Variants in PCDHA1 observed in about 807,000 individuals in gnomAD.
The protein encoded by PCDHA1 is protocadherin alpha 1, also known as protocadherin alpha-1.
Under a neutral mutation model 61.3 loss-of-function variants are expected in PCDHA1, and 42 were observed. The ratio of observed to expected loss-of-function variants is 0.69; its 90% CI spans 0.54 to 0.89. The LOEUF (loss-of-function observed/expected upper bound fraction) is 0.89, where lower values mean the gene tolerates loss of function less well. Among genes scored for constraint, PCDHA1 ranks in the 40% least tolerant of loss-of-function variants. The probability of loss-of-function intolerance (pLI) is 0.00; values close to 1 mark genes in which losing one functional copy is unlikely to be tolerated. For synonymous variants in PCDHA1, 610 were observed against 553.8 expected, an observed-to-expected ratio of 1.10 and a Z score of -1.43; for missense variants, 1,256 against 1,235.3, an observed-to-expected ratio of 1.02 and a Z score of -0.25.
intron 1 of PCDHA1, chr5:140,801,369 G>C (rs782156109): frequency 1.2e-6 from 2 of 1,613,508 alleles, no homozygotes; most frequent in South Asian, 2.2e-5. Context: ...GGAGCTGGCG[G>C]AGCTGGTGCC....
intron 1 of PCDHA1, among the ~76,000 whole-genome samples, chr5:140,874,944 G>A (rs2055185348): frequency 6.6e-6 from 1 of 152,170 alleles, no homozygotes; most frequent in Non-Finnish European, 1.5e-5. Context: ...TGAAACAGCG[G>A]AATTGTAAGC....
chr5:140,985,228 C>G (rs1022229644), intron 3 of PCDHA1, among the ~76,000 whole-genome samples: 4 of 152,156 alleles, frequency 2.6e-5, no homozygotes, highest in Non-Finnish European at 4.4e-5. Context: ...TGAGCCACCG[C>G]GCCTGGCCTA....
chr5:140,876,378 T>A, intron 1 of PCDHA1: 1 of 1,613,948 alleles, frequency 6.2e-7, no homozygotes, highest in Non-Finnish European at 8.5e-7. Context: ...CAGGTGAAAT[T>A]AGAATTTATG....
intron 1 of PCDHA1, chr5:140,821,919 G>T: frequency 6.2e-7 from 1 of 1,614,198 alleles, no homozygotes; most frequent in East Asian, 2.2e-5. Flanking sequence ...GCCGCATCGC[G>T]CAGGACCTAG....
chr5:140,876,165 C>A, intron 1 of PCDHA1: 3 of 1,613,944 alleles, frequency 1.9e-6, no homozygotes, highest in Non-Finnish European at 2.5e-6. Flanking sequence ...TTCAAATAAC[C>A]GTCCTGGATG....
chr5:140,875,832 C>T, intron 1 of PCDHA1: 1 of 1,614,086 alleles, frequency 6.2e-7, no homozygotes, highest in Middle Eastern at 1.6e-4. Flanking sequence ...TCCATGTGGA[C>T]GTGGAGGTGA....
chr5:140,892,573 A>G (rs1299586046), intron 1 of PCDHA1, among the ~76,000 whole-genome samples: 1 of 152,210 alleles, frequency 6.6e-6, no homozygotes, highest in Non-Finnish European at 1.5e-5. Context: ...TGTCAAAAGT[A>G]TATCTCAGTA....
Position 140,912,120 on chromosome 5 carries a change from G to A in PCDHA1, c.2395-66829G>A, listed in dbSNP as rs371645551. On this transcript the variant is annotated intron_variant, in intron 1 of 3. Transcript: ENST00000504120. ...AGAAAGATGTAGGCTGGGAGGCTAA[G>A]TCAGTCTAATCTCTCCATGTTCTTC... Among the ~76,000 whole-genome samples the A allele has an allele frequency of 1.7e-4, 26 of 152,328 alleles. 3 individuals are homozygous for A. In the East Asian group the frequency reaches 1.9e-3, roughly 11 times the overall value.
intron 1 of PCDHA1, chr5:140,881,408 T>A (rs1397596000): frequency 1.1e-6 from 1 of 949,826 alleles, no homozygotes; most frequent in Non-Finnish European, 1.3e-6. Flanking sequence ...ATTAAATCAA[T>A]AGGATATTAG....
chr5:140,887,043 A>G (rs1459489169), intron 1 of PCDHA1, among the ~76,000 whole-genome samples: 1 of 151,986 alleles, frequency 6.6e-6, no homozygotes, highest in Admixed American at 6.6e-5. Context: ...TATTTTTTAT[A>G]GTGCATATGT....
chr5:140,811,794 T>C (rs1454286156), intron 1 of PCDHA1: 1 of 152,230 alleles, frequency 6.6e-6, no homozygotes, highest in African/African-American at 2.4e-5. Flanking sequence ...TGCATAAATG[T>C]CTTCTTTTGA....
chr5:140,941,185 CT>C (rs782102770), intron 1 of PCDHA1, among the ~76,000 whole-genome samples: 20 of 102,174 alleles, frequency 2.0e-4, no homozygotes, highest in Admixed American at 7.9e-4. Context: ...CATCCTGCTT[CT>C]TTTTTTTTCT....
rs2044015236 is a variant in PCDHA1, at chr5:140,856,467, C to T, written c.2394+67783C>T. On this transcript the variant is annotated intron_variant, in intron 1 of 3. Coordinates refer to ENST00000504120, the MANE Select transcript of PCDHA1 (RefSeq NM_018900.4). ...TTCTCCGTAACAGAACAAAAGCTCTCAATACCTGAATCCAGACTGCTTGAC... is the reference window on the plus strand; with the variant it reads ...TTCTCCGTAACAGAACAAAAGCTCTTAATACCTGAATCCAGACTGCTTGAC... 5 of 1,598,208 alleles carry T rather than the reference C, an allele frequency of 3.1e-6. 1 individual carries two copies. Among genetic ancestry groups the T allele is most frequent in the Non-Finnish European group, 4.3e-6 (5 of 1,167,910 alleles).
At chr5:140,994,004 C>T (rs1366489476) in intron 3 of PCDHA1, among the ~76,000 whole-genome samples, 3 of 152,186 alleles carry the variant, frequency 2.0e-5, no homozygotes, top group Non-Finnish European at 2.9e-5. Context: ...AGGCCAGGCT[C>T]TGTTCTAGGT....
chr5:140,840,708 C>T (rs1776833354), intron 1 of PCDHA1, among the ~76,000 whole-genome samples: 1 of 151,964 alleles, frequency 6.6e-6, no homozygotes, highest in African/African-American at 2.4e-5. Flanking sequence ...GGCAATTTGA[C>T]ATTTATTGAA....
At chr5:140,801,326 C>A (rs782180915) in intron 1 of PCDHA1, 1 of 1,613,294 alleles carries the variant, frequency 6.2e-7, no homozygotes, top group East Asian at 2.2e-5. Context: ...AGCATGGCAC[C>A]TTCGTGGGCC....
chr5:140,991,374 G>A (rs537981449), intron 3 of PCDHA1, among the ~76,000 whole-genome samples: 2 of 152,286 alleles, frequency 1.3e-5, no homozygotes, highest in South Asian at 4.1e-4. Context: ...TGAGTTCTAG[G>A]CCAACTGTAG....
rs1554117343 is a variant in PCDHA1, at chr5:140,786,328, A to G, written c.38A>G (p.Asp13Gly). 1 of 1,612,982 alleles carries G rather than the reference A, an allele frequency of 6.2e-7. No individual in the cohort carries two copies. ...AGGAGAGGGGGCCTGGGAGCCCGGG[A>G]TCTGCTTCTTTGGCTTCTGCTCCTC... ...FSRRGGLGAR[D>G]LLLWLLLLAA... is the part of the protein sequence containing the mutation. The change falls in exon 1 of 4, where the codon GAT becomes GGT. Residue 13 changes from aspartate (D) to glycine (G), a missense_variant. Physicochemically the swap from Asp to Gly is moderately conservative, Grantham distance 94 (BLOSUM62 -1). Transcript: ENST00000504120.
At chr5:140,818,319 T>G (rs2150100782) in intron 1 of PCDHA1, among the ~76,000 whole-genome samples, 2 of 152,234 alleles carry the variant, frequency 1.3e-5, no homozygotes, top group Admixed American at 1.3e-4. Flanking sequence ...CTTTAGGAAT[T>G]TTATCTTGTT....
Sources: allele counts gnomAD v4.1 joint callset (sites outside exome capture counted in the v4.1 genomes callset), GRCh38; gene constraint gnomAD v4.1.1; transcripts MANE v1.5; gene names NCBI Gene and HGNC (gene_info 2026-07-23, HGNC 2026-07-21).